The following IL5RA variants were observed in gnomAD, a reference collection of about 807,000 sequenced individuals.
The protein encoded by IL5RA is interleukin-5 receptor subunit alpha.
A neutral mutation model predicts 50.0 loss-of-function variants in IL5RA; 49 were observed. That is an observed-to-expected ratio of 0.98 (90% CI 0.78 to 1.24). The LOEUF is 1.24. IL5RA is among the 50% of genes most tolerant of loss of function. The pLI, the probability that IL5RA is intolerant of heterozygous loss-of-function variation, is 0.00. For synonymous variants in IL5RA, 202 were observed against 174.0 expected, an observed-to-expected ratio of 1.16 and a Z score of -1.26; for missense variants, 600 against 500.4, an observed-to-expected ratio of 1.20 and a Z score of -1.90.
chr3:3,095,769 T>C (rs1320445463), intron 7 of IL5RA, among the ~76,000 whole-genome samples: 2 of 152,084 alleles, frequency 1.3e-5, no homozygotes, highest in Non-Finnish European at 2.9e-5. Flanking sequence ...ACTCAAGTTG[T>C]ACCAGGCCCA....
chr3:3,089,595 G>GCATC (rs982353722), intron 9 of IL5RA, among the ~76,000 whole-genome samples: 7 of 152,090 alleles, frequency 4.6e-5, no homozygotes, highest in African/African-American at 1.4e-4. Context: ...ATGAGAGATG[G>GCATC]CATCCACATG....
At chr3:3,086,828 C>T (rs571689252) in intron 9 of IL5RA, among the ~76,000 whole-genome samples, 10 of 152,224 alleles carry the variant, frequency 6.6e-5, no homozygotes, top group Admixed American at 4.6e-4. Context: ...ACCTATCAAC[C>T]GATGAGTGGA....
At chr3:3,071,010 T>TC (rs1248069176) in intron 11 of IL5RA, among the ~76,000 whole-genome samples, 2 of 152,226 alleles carry the variant, frequency 1.3e-5, no homozygotes, top group Non-Finnish European at 2.9e-5. Flanking sequence ...TACTACAGTA[T>TC]CCCCCTAACT....
chr3:3,100,978 C>T lies in IL5RA; in HGVS notation c.367+714G>A, dbSNP rs562608701. Among the ~76,000 whole-genome samples the T allele has an allele frequency of 3.4e-3, 448 of 131,460 alleles. 3 individuals are homozygous for T. The highest frequency in any genetic ancestry group is 0.011 in the African/African-American group (413 of 36,264). 86.2% of individuals were successfully genotyped at this position (131,460 alleles called of 152,430 possible). A position where few individuals can be genotyped will look rare whatever the true frequency, so the allele number is the denominator to read the frequency against. ...CCTGGCCAACATGGCAAAACCCCAT[C>T]TCAATAATAATAATAATAATAATAA... is the stretch of plus-strand genomic sequence containing the variant. On this transcript the variant is annotated intron_variant, in intron 5 of 11. Transcript: ENST00000446632.
intron 9 of IL5RA, among the ~76,000 whole-genome samples, chr3:3,079,863 A>T (rs1398817142): frequency 1.3e-5 from 2 of 152,074 alleles, no homozygotes; most frequent in African/African-American, 4.8e-5. Flanking sequence ...GTGAAAGCCC[A>T]TCTCTTCTAA....
In IL5RA at chr3:3,098,275, G is replaced by T. The variant is rs1354325236; in HGVS notation, c.383C>A (p.Ser128Ter). Residue 128 changes from serine (S) to a stop codon, truncating the protein, a stop_gained, in exon 6 of 12, where the codon TCA becomes TAA. Transcript: ENST00000446632. LOFTEE classifies it high-confidence loss of function. ...LHAPPGSPGT[S>*]IVNLTCTTNT... ...TGTGGTGCAAGTTAAATTCACAATT[G>T]AGGTTCCAGGAGACCCTAGGTAGTC... 1 of 1,613,818 alleles carries T rather than the reference G, an allele frequency of 6.2e-7. No individual in the cohort carries two copies. Among genetic ancestry groups the T allele is most frequent in the Non-Finnish European group, 8.5e-7 (1 of 1,179,830 alleles).
chr3:3,103,715 A>G (rs1353520463), intron 3 of IL5RA, among the ~76,000 whole-genome samples: 1 of 152,252 alleles, frequency 6.6e-6, no homozygotes, highest in Non-Finnish European at 1.5e-5. Context: ...AACACAGATA[A>G]GCAGAAAGAA....
intron 11 of IL5RA, among the ~76,000 whole-genome samples, chr3:3,070,540 T>G (rs1702262586): frequency 6.6e-6 from 1 of 151,512 alleles, no homozygotes; most frequent in Non-Finnish European, 1.5e-5. Flanking sequence ...CATAATGTTT[T>G]CTTTAGACTT....
chr3:3,099,025 G>A (rs1017949247), intron 5 of IL5RA, among the ~76,000 whole-genome samples: 4 of 152,152 alleles, frequency 2.6e-5, no homozygotes, highest in Non-Finnish European at 4.4e-5. Context: ...AAGGTCTTGC[G>A]TATCCCTTTC....
intron 11 of IL5RA, among the ~76,000 whole-genome samples, chr3:3,074,017 G>C (rs1386549668): frequency 6.6e-6 from 1 of 152,198 alleles, no homozygotes; most frequent in East Asian, 1.9e-4. Flanking sequence ...ATTTCCTACA[G>C]AAATGCCAAG....
Position 3,092,093 on chromosome 3 carries a change from C to T in IL5RA, c.994+131G>A. 6.9e-7 allele frequency: 1 copy of T among 1,445,504 alleles called. No individual in the cohort carries two copies. The highest frequency in any genetic ancestry group is 2.4e-5 in the East Asian group (1 of 41,518). The allele number at this position is 1,445,504 out of a possible 1,614,324, so 89.5% of individuals were successfully genotyped here. On this transcript the variant is annotated intron_variant, in intron 9 of 11. Coordinates refer to ENST00000446632, the MANE Select transcript of IL5RA (RefSeq NM_175726.4). The surrounding 1 kb of genome is among the most constrained non-coding windows in gnomAD (Gnocchi z 4.2). Reference sequence around the variant, plus strand: ...TATTCCTGATTGAAAAGGCAGTAGACCGAGAGAAAATTAGTCACAATAGAG... The same window carrying T: ...TATTCCTGATTGAAAAGGCAGTAGATCGAGAGAAAATTAGTCACAATAGAG...
intron 5 of IL5RA, 122 bp from the exon 6 acceptor site, chr3:3,098,412 T>A (rs1180056961): frequency 1.3e-6 from 1 of 797,646 alleles, no homozygotes; most frequent in South Asian, 1.8e-5. Flanking sequence ...CATCTTCACA[T>A]TTTTTTTTCC....
chr3:3,091,647 G>A (rs1056358282), intron 9 of IL5RA, among the ~76,000 whole-genome samples: 1 of 152,096 alleles, frequency 6.6e-6, no homozygotes, highest in Non-Finnish European at 1.5e-5. Context: ...CAGGAGAATC[G>A]CTCGAACCCA....
At chr3:3,081,669 C>G (rs1236594785) in intron 9 of IL5RA, among the ~76,000 whole-genome samples, 1 of 152,204 alleles carries the variant, frequency 6.6e-6, no homozygotes, top group African/African-American at 2.4e-5. Flanking sequence ...AGTTAAACCA[C>G]TCTCAAGTTA....
rs1702224859 is a variant in IL5RA at position 3,069,427 on chromosome 3, A to G, written c.*798T>C. 6.6e-6 allele frequency: 1 copy of G among 152,220 alleles called. No individual in the cohort carries two copies. Among genetic ancestry groups the G allele is most frequent in the African/African-American group, 2.4e-5 (1 of 41,450 alleles). The allele number at this position is 152,220 out of a possible 1,614,324, so 9.4% of individuals were successfully genotyped here. On this transcript the variant is annotated 3_prime_UTR_variant, in exon 12 of 12. Transcript: ENST00000446632. ...TCTTCAGAAAGTTCATTCTTGATTCAGTGGTCCCTTTCATGATTGAATTAT... is the reference window on the plus strand; with the variant it reads ...TCTTCAGAAAGTTCATTCTTGATTCGGTGGTCCCTTTCATGATTGAATTAT...
intron 11 of IL5RA, among the ~76,000 whole-genome samples, chr3:3,070,674 C>A (rs990339775): frequency 1.3e-5 from 2 of 150,602 alleles, no homozygotes; most frequent in Admixed American, 1.3e-4. Flanking sequence ...CCTCCACCTC[C>A]CAGGTTCAAG....
At position 3,102,956 on chromosome 3, in the gene IL5RA, G is replaced by A. The variant is rs75420999; in HGVS notation, c.83-136C>T. Reference sequence around the variant, plus strand: ...GCACCACAGACACAGTTGCTCCTGCGTGCCTGTAACACCGGGGCAAAGAGA... The same window carrying A: ...GCACCACAGACACAGTTGCTCCTGCATGCCTGTAACACCGGGGCAAAGAGA... On this transcript the variant is annotated intron_variant, in intron 3 of 11. Transcript: ENST00000446632. 2.7e-3 allele frequency: 1,686 copies of A among 616,520 alleles called. 20 individuals are homozygous for A. The African/African-American group carries it at 0.029, about 10-fold the overall frequency. The allele number at this position is 616,520 out of a possible 1,614,324, so 38.2% of individuals were successfully genotyped here. A position where few individuals can be genotyped will look rare whatever the true frequency, so the allele number is the denominator to read the frequency against.
At chr3:3,073,768 A>G (rs964546627) in intron 11 of IL5RA, 2 of 450,864 alleles carry the variant, frequency 4.4e-6, no homozygotes, top group Non-Finnish European at 8.9e-6. Context: ...AATCCCAGCT[A>G]CCTTTTTTTG....
chr3:3,110,329 C>A lies in IL5RA; in HGVS notation c.-530G>T, dbSNP rs115445448. The A allele has an allele frequency of 8.1e-4, 123 of 152,308 alleles. No individual in the cohort carries two copies. The highest frequency in any genetic ancestry group is 2.9e-3 in the African/African-American group (120 of 41,568). 9.4% of individuals were successfully genotyped at this position (152,308 alleles called of 1,614,324 possible). The stretch of plus-strand genomic sequence containing the variant: ...CTTTTACTCATGGTGACAAGGTAAA[C>A]AAGTTTTCCGTGGGTACTCTAAAGC... On this transcript the variant is annotated 5_prime_UTR_variant, in exon 1 of 12. Transcript: ENST00000446632.
Sources: gnomAD v4.1 joint callset for allele counts (sites outside exome capture counted in the v4.1 genomes callset) on GRCh38, gnomAD v4.1.1 for gene constraint, Gnocchi (gnomAD v3.1) non-coding constraint, MANE v1.5 for transcripts, NCBI Gene and HGNC (gene_info 2026-07-23, HGNC 2026-07-21) for gene names.